DYNC2LI1: variants seen among roughly 807,000 people sequenced by gnomAD.
The protein encoded by DYNC2LI1 is dynein cytoplasmic 2 light intermediate chain 1, also known as cytoplasmic dynein 2 light intermediate chain 1.
In DYNC2LI1, 45 loss-of-function variants were observed where a neutral mutation model predicts 51.9. The ratio of observed to expected loss-of-function variants is 0.87; its 90% CI spans 0.68 to 1.11. DYNC2LI1 has a LOEUF of 1.11. Ranked by LOEUF, DYNC2LI1 falls within the 50% of genes most tolerant of loss-of-function variation. The pLI is 0.00. For missense variants in DYNC2LI1, 490 were observed against 417.4 expected (o/e 1.17, Z -1.51); for synonymous variants, 130 against 137.8 (o/e 0.94, Z 0.40).
At chr2:43,785,359 G>T (rs1673477191) in intron 3 of DYNC2LI1, among the ~76,000 whole-genome samples, 3 of 152,054 alleles carry the variant, frequency 2.0e-5, no homozygotes, top group African/African-American at 7.2e-5. Context: ...GCCTTAAAAA[G>T]GAAGGAAATT....
At chr2:43,820,576 C>T in the DYNC2LI1 span, among the ~76,000 whole-genome samples, 4 of 152,162 alleles carry the variant, frequency 2.6e-5, no homozygotes, top group East Asian at 1.9e-4. Flanking sequence ...TTCTTTTGTC[C>T]TCGATCAGGT....
chr2:43,820,081 C>G, the DYNC2LI1 span: 10 of 1,613,922 alleles, frequency 6.2e-6, no homozygotes, highest in South Asian at 1.1e-4. Context: ...CGGGCAACCT[C>G]AGGATGTAAG....
intron 2 of DYNC2LI1, chr2:43,781,601 CTTTTTCTTTTT>C (rs1161500418): frequency 7.5e-6 from 1 of 133,356 alleles, no homozygotes; most frequent in Non-Finnish European, 1.6e-5. Context: ...TCCTGATTTT[CTTTTTCTTTTT>C]TTTTTTTTGA....
the DYNC2LI1 span, among the ~76,000 whole-genome samples, chr2:43,816,135 G>T: frequency 3.3e-5 from 5 of 152,188 alleles, no homozygotes; most frequent in Non-Finnish European, 7.3e-5. Context: ...AAACCAACAT[G>T]ATTTGGTGAG....
the DYNC2LI1 span, among the ~76,000 whole-genome samples, chr2:43,820,986 A>G: frequency 1.3e-5 from 2 of 151,946 alleles, no homozygotes; most frequent in Non-Finnish European, 2.9e-5. Context: ...AAACCACCCT[A>G]TATCCATGCA....
chr2:43,784,957 T>C (rs186554351), intron 3 of DYNC2LI1, among the ~76,000 whole-genome samples: 1 of 152,236 alleles, frequency 6.6e-6, no homozygotes, highest in Admixed American at 6.5e-5. Context: ...AACATAATTA[T>C]GTAAGTCACA....
At chr2:43,816,387 T>C in the DYNC2LI1 span, among the ~76,000 whole-genome samples, 3 of 151,824 alleles carry the variant, frequency 2.0e-5, no homozygotes, top group Non-Finnish European at 4.4e-5. Context: ...TCAAAGAGAG[T>C]GCGCCTCTAG....
In DYNC2LI1 at chr2:43,783,573, T is replaced by C; in HGVS notation, c.161+19T>C. On this transcript the variant is annotated intron_variant, in intron 3 of 12. Transcript: ENST00000260605. ...TTGACAGGTAAGTGTTATGTTAACC[T>C]TTAAACTATATTTATGCTTATTCTA... The C allele has an allele frequency of 6.8e-7, 1 of 1,475,944 alleles. No individual in the cohort carries two copies. The highest frequency in any genetic ancestry group is 9.1e-7 in the Non-Finnish European group (1 of 1,101,884). 91.4% of individuals were successfully genotyped at this position (1,475,944 alleles called of 1,614,324 possible). A position where few individuals can be genotyped will look rare whatever the true frequency, so the allele number is the denominator to read the frequency against.
At chr2:43,789,461 G>C (rs759359660) in intron 4 of DYNC2LI1, among the ~76,000 whole-genome samples, 172 bp from the exon 5 acceptor site, 1 of 152,084 alleles carries the variant, frequency 6.6e-6, no homozygotes, top group Non-Finnish European at 1.5e-5. Context: ...TTTTTCTTTA[G>C]AGTAGGTGCT....
At chr2:43,810,950 C>T (rs1257229288), downstream of DYNC2LI1, among the ~76,000 whole-genome samples, 2 of 152,174 alleles carry the variant, frequency 1.3e-5, no homozygotes, top group Non-Finnish European at 2.9e-5. Flanking sequence ...TGACTTGAGA[C>T]ACAAACTGTC....
chr2:43,821,206 C>A, the DYNC2LI1 span, among the ~76,000 whole-genome samples: 1 of 152,178 alleles, frequency 6.6e-6, no homozygotes, highest in Admixed American at 6.5e-5. Context: ...GCTATCAATG[C>A]CGTTCCTCAT....
intron 10 of DYNC2LI1, among the ~76,000 whole-genome samples, chr2:43,803,025 C>T (rs546513381): frequency 6.6e-6 from 1 of 152,252 alleles, no homozygotes; most frequent in South Asian, 2.1e-4. Context: ...CCACCAAATA[C>T]TGGCAAGGAT....
chr2:43,801,790 A>T, intron 10 of DYNC2LI1, 81 bp downstream of exon 10: 1 of 985,488 alleles, frequency 1.0e-6, no homozygotes, highest in Non-Finnish European at 1.6e-6. Flanking sequence ...CTTTGTCTCC[A>T]ACATACTCCT....
chr2:43,824,331 G>A, the DYNC2LI1 span: 1 of 1,614,108 alleles, frequency 6.2e-7, no homozygotes, highest in Non-Finnish European at 8.5e-7. Flanking sequence ...AAAGTTTTAT[G>A]ACAAATTGCT....
intron 6 of DYNC2LI1, among the ~76,000 whole-genome samples, chr2:43,795,389 A>C (rs1673987158): frequency 6.6e-6 from 1 of 152,098 alleles, no homozygotes; most frequent in Non-Finnish European, 1.5e-5. Flanking sequence ...CTGTAGTCCC[A>C]GCTACTTGGG....
intron 5 of DYNC2LI1, chr2:43,792,800 G>C (rs1369442530): frequency 6.6e-7 from 1 of 1,525,442 alleles, no homozygotes; most frequent in Middle Eastern, 1.7e-4. Context: ...ACGTCTTCAG[G>C]GTTCTTCCGT....
At chr2:43,789,598 TA>T in intron 4 of DYNC2LI1, 34 bp from the exon 5 acceptor site, 1 of 1,581,192 alleles carries the variant, frequency 6.3e-7, no homozygotes, top group Non-Finnish European at 8.7e-7. Flanking sequence ...AAGAAGTACT[TA>T]AACTTCAAAA....
intron 5 of DYNC2LI1, chr2:43,792,602 C>G: frequency 1.4e-6 from 2 of 1,437,110 alleles, no homozygotes; most frequent in African/African-American, 2.9e-5. Flanking sequence ...CCATACATCT[C>G]CAGAACTTTT....
At chr2:43,827,926 G>GCA in the DYNC2LI1 span, 36 of 1,608,586 alleles carry the variant, frequency 2.2e-5, no homozygotes, top group Non-Finnish European at 2.9e-5. Flanking sequence ...CAAAGTATCT[G>GCA]CACACACACA....
Sources: allele counts gnomAD v4.1 joint callset (sites outside exome capture counted in the v4.1 genomes callset), GRCh38; gene constraint gnomAD v4.1.1; transcripts MANE v1.5; gene names NCBI Gene and HGNC (gene_info 2026-07-23, HGNC 2026-07-21).